Variants in ITGA1 observed in about 807,000 individuals in gnomAD.
ITGA1 encodes integrin subunit alpha 1.
A neutral mutation model predicts 145.9 loss-of-function variants in ITGA1; 85 were observed. The observed-to-expected ratio is 0.58, with a 90% confidence interval of 0.49 to 0.70. ITGA1 has a LOEUF of 0.70. Ranked by LOEUF, ITGA1 falls within the 30% of genes least tolerant of loss-of-function variation. The pLI, the probability that ITGA1 is intolerant of heterozygous loss-of-function variation, is 0.00. For synonymous variants in ITGA1, 520 were observed against 495.3 expected, an observed-to-expected ratio of 1.05 and a Z score of -0.66; for missense variants, 1,351 against 1,418.7, an observed-to-expected ratio of 0.95 and a Z score of 0.77.
intron 7 of ITGA1, among the ~76,000 whole-genome samples, chr5:52,884,453 A>G (rs1750015754): frequency 6.6e-6 from 1 of 152,078 alleles, no homozygotes; most frequent in African/African-American, 2.4e-5. Context: ...GCCTTAAAAA[A>G]AAAAAAAAAG....
At position 52,895,416 on chromosome 5, in the gene ITGA1, C is replaced by T. The variant is rs1355809868; in HGVS notation, c.1090+1576C>T. On this transcript the variant is annotated intron_variant, in intron 9 of 28. Coordinates refer to ENST00000282588, the MANE Select transcript of ITGA1 (RefSeq NM_181501.2). ...ATTTACCAATAAACCAGATTATGAG[C>T]TTGGCTGGCCTTAAGGAAAATACAT... is the stretch of plus-strand genomic sequence containing the variant. 3.9e-5 allele frequency among the ~76,000 whole-genome samples: 6 copies of T among 152,162 alleles called. No individual in the cohort carries two copies. The East Asian group carries it at 9.6e-4, about 24-fold the overall frequency.
At chr5:52,927,490 A>G (rs1357901362) in intron 19 of ITGA1, 94 bp from the exon 20 acceptor site, 3 of 760,818 alleles carry the variant, frequency 3.9e-6, no homozygotes, top group Non-Finnish European at 6.6e-6. Flanking sequence ...GTGGCAAGGC[A>G]GTCACCAAGA....
At chr5:52,845,630 A>C (rs1431007958) in intron 1 of ITGA1, among the ~76,000 whole-genome samples, 2 of 152,064 alleles carry the variant, frequency 1.3e-5, no homozygotes, top group Non-Finnish European at 2.9e-5. Flanking sequence ...GCCTCATGGG[A>C]ATTTGGCTGT....
chr5:52,840,370 C>T (rs1177322855), intron 1 of ITGA1, among the ~76,000 whole-genome samples: 1 of 152,166 alleles, frequency 6.6e-6, no homozygotes, highest in East Asian at 1.9e-4. Context: ...ATGAGTTCAG[C>T]GTTCAGGATG....
intron 7 of ITGA1, among the ~76,000 whole-genome samples, chr5:52,884,019 T>G (rs1315941822): frequency 6.6e-6 from 1 of 152,196 alleles, no homozygotes; most frequent in Non-Finnish European, 1.5e-5. Flanking sequence ...TTTAAGAGAA[T>G]TAGGAAGTTT....
chr5:52,912,185 G>T (rs934569675), intron 14 of ITGA1, among the ~76,000 whole-genome samples: 1 of 135,036 alleles, frequency 7.4e-6, no homozygotes, highest in African/African-American at 2.7e-5. Context: ...ATATAGATAC[G>T]CTATATATAG....
At chr5:52,849,250 T>C in intron 1 of ITGA1, 115 bp from the exon 2 acceptor site, 3 of 754,840 alleles carry the variant, frequency 4.0e-6, no homozygotes, top group Non-Finnish European at 5.8e-6. Flanking sequence ...TTTGAGCTTC[T>C]TTTTTTTTAA....
In ITGA1 at chr5:52,893,791, T is replaced by A. The variant is rs1337559318; in HGVS notation, c.1041T>A (p.Ala347=). The change falls in exon 9 of 29, where the codon GCT becomes GCA. Residue 347 remains alanine (A), a synonymous_variant. Transcript: ENST00000282588. ...TCTTCAATGTCTCTGATGAATTGGC[T>A]CTAGTCACCATTGTTAAAACTCTGG... ...KHFFNVSDEL[A]LVTIVKTLGE... 6.2e-7 allele frequency: 1 copy of A among 1,612,792 alleles called. No homozygotes were observed. The highest frequency in any genetic ancestry group is 1.7e-5 in the Admixed American group (1 of 60,000).
intron 2 of ITGA1, among the ~76,000 whole-genome samples, chr5:52,856,770 A>G (rs1208525179): frequency 1.3e-5 from 2 of 152,164 alleles, no homozygotes; most frequent in African/African-American, 2.4e-5. Flanking sequence ...ATTGCTGCAT[A>G]ATAAGTCATT....
intron 2 of ITGA1, among the ~76,000 whole-genome samples, chr5:52,851,636 T>A (rs1749433595): frequency 6.6e-6 from 1 of 152,150 alleles, no homozygotes; most frequent in Admixed American, 6.5e-5. Context: ...AAGAACGATG[T>A]TGCTAATGGT....
chr5:52,949,259 A>T lies in ITGA1; in HGVS notation c.3495+1798A>T, dbSNP rs1228381650. ...TTTCTGCTTTAAGCATTCCCACTTA[A>T]TACTCATATCAACCTTATGAGGTCG... On this transcript the variant is annotated intron_variant, in intron 28 of 28. Coordinates refer to ENST00000282588, the MANE Select transcript of ITGA1 (RefSeq NM_181501.2). Among the ~76,000 whole-genome samples, 4 of 152,248 alleles carry T rather than the reference A, an allele frequency of 2.6e-5. No individual in the cohort carries two copies. The East Asian group carries it at 7.7e-4, about 29-fold the overall frequency.
chr5:52,952,403 A>G lies in ITGA1; in HGVS notation c.3496-4A>G, dbSNP rs966855043. ...TTGTGTTATGTTTTGTGTTTTCTCA[A>G]CAGATTGGATTCTTCAAAAGACCAC... is the stretch of plus-strand genomic sequence containing the variant. On this transcript the variant is annotated splice_polypyrimidine_tract_variant and splice_region_variant and intron_variant, in intron 28 of 28. Transcript: ENST00000282588. 5.6e-6 allele frequency: 8 copies of G among 1,417,356 alleles called. No individual in the cohort carries two copies. The African/African-American group carries it at 1.0e-4, about 18-fold the overall frequency. 87.8% of individuals were successfully genotyped at this position (1,417,356 alleles called of 1,614,324 possible). A position where few individuals can be genotyped will look rare whatever the true frequency, so the allele number is the denominator to read the frequency against.
chr5:52,795,249 G>A (rs1748318548), intron 1 of ITGA1, among the ~76,000 whole-genome samples: 1 of 151,896 alleles, frequency 6.6e-6, no homozygotes, highest in South Asian at 2.1e-4. Flanking sequence ...TGCCTTTACT[G>A]GTGGAAGAGG....
At chr5:52,945,079 G>A (rs1751114913) in intron 27 of ITGA1, 44 bp downstream of exon 27, 1 of 1,382,152 alleles carries the variant, frequency 7.2e-7, no homozygotes, top group Non-Finnish European at 1.0e-6. Flanking sequence ...ATTTCACTCT[G>A]AATTTTGTGA....
intron 7 of ITGA1, among the ~76,000 whole-genome samples, chr5:52,884,716 T>C (rs1051407250): frequency 1.3e-5 from 2 of 152,182 alleles, no homozygotes; most frequent in African/African-American, 2.4e-5. Context: ...TGAAGGCAGA[T>C]AAATAGTAGG....
At chr5:52,848,475 A>G (rs1027701671) in intron 1 of ITGA1, among the ~76,000 whole-genome samples, 1 of 152,204 alleles carries the variant, frequency 6.6e-6, no homozygotes, top group Non-Finnish European at 1.5e-5. Context: ...TGAAAACCTC[A>G]GCTCTAGGAA....
chr5:52,903,515 A>G (rs1235367656), intron 11 of ITGA1: 1 of 152,236 alleles, frequency 6.6e-6, no homozygotes, highest in Non-Finnish European at 1.5e-5. Flanking sequence ...CATAAAGGAT[A>G]ATATGCCTGA....
At position 52,796,923 on chromosome 5, in the gene ITGA1, G is replaced by A. The variant is rs117582756; in HGVS notation, c.61+8509G>A. 3.4e-4 allele frequency among the ~76,000 whole-genome samples: 52 copies of A among 152,196 alleles called. No individual in the cohort carries two copies. In the East Asian group the frequency reaches 0.01, roughly 29 times the overall value. ...AACAGAGAAGTTAGTATGAGTTAAG[G>A]TAGCAAACGAGAAAGTTCCTAGCAT... On this transcript the variant is annotated intron_variant, in intron 1 of 28. Coordinates refer to ENST00000282588, the MANE Select transcript of ITGA1 (RefSeq NM_181501.2).
intron 1 of ITGA1, among the ~76,000 whole-genome samples, chr5:52,828,400 A>G (rs1749003412): frequency 6.6e-6 from 1 of 152,086 alleles, no homozygotes; most frequent in South Asian, 2.1e-4. Context: ...ACCTTTCCCT[A>G]ATAATTAATG....
Sources: allele counts gnomAD v4.1 joint callset (sites outside exome capture counted in the v4.1 genomes callset), GRCh38; gene constraint gnomAD v4.1.1; transcripts MANE v1.5; gene names NCBI Gene and HGNC (gene_info 2026-07-23, HGNC 2026-07-21).